Variants in NPAS2 observed in about 807,000 individuals in gnomAD.
NPAS2 encodes neuronal PAS domain-containing protein 2.
In NPAS2, 23 loss-of-function variants were observed where a neutral mutation model predicts 107.5. That is an observed-to-expected ratio of 0.21 (90% confidence interval 0.15 to 0.30). NPAS2 has a LOEUF of 0.30. NPAS2 is among the 10% of genes least tolerant of loss of function. NPAS2 has a pLI of 1.00. For synonymous variants in NPAS2, 403 were observed against 417.5 expected (o/e 0.97, Z 0.42); for missense variants, 756 against 1,043.3 (o/e 0.72, Z 3.79).
Position 100,964,879 on chromosome 2 carries a change from G to A in NPAS2, c.736G>A (p.Glu246Lys), listed in dbSNP as rs751210882. 8 of 1,572,038 alleles carry A rather than the reference G, an allele frequency of 5.1e-6. No homozygotes were observed. Among genetic ancestry groups the A allele is most frequent in the South Asian group, 4.8e-5 (4 of 82,774 alleles). The change falls in exon 9 of 21, where the codon GAA becomes AAA. Residue 246 changes from glutamate to lysine, a missense_variant. Physicochemically the swap from Glu to Lys is moderately conservative, Grantham distance 56 (BLOSUM62 1). Around this residue, in one of 4 missense-constraint regions of NPAS2, gnomAD observed 84 missense variants for 175.5 expected, o/e 0.48. Transcript: ENST00000335681. ...AATACAGGAAATGTGCATAGTTGAC[G>A]AACCTTTAGAGGAATTCACTTCAAG... ...QFLKEMCIVD[E>K]PLEEFTSRHS... is the part of the protein sequence containing the mutation.
intron 7 of NPAS2, among the ~76,000 whole-genome samples, chr2:100,960,279 G>A (rs890712438): frequency 6.6e-6 from 1 of 152,040 alleles, no homozygotes; most frequent in Non-Finnish European, 1.5e-5. Flanking sequence ...ATGATAGCAC[G>A]AGGCCGGGCA....
In NPAS2 at chr2:100,906,070, G is replaced by A. The variant is rs78853384; in HGVS notation, c.32+1284G>A. On this transcript the variant is annotated intron_variant, in intron 2 of 20. Coordinates refer to ENST00000335681, the MANE Select transcript of NPAS2 (RefSeq NM_002518.4). ...CCCAGGATCTGGGAGATCAGCACTG[G>A]GGACTCTTAGTACTCTTTACTTTTG... Among the ~76,000 whole-genome samples, 1,505 of 152,300 alleles carry A rather than the reference G, an allele frequency of 9.9e-3. 21 individuals are homozygous for A. The highest frequency in any genetic ancestry group is 0.034 in the African/African-American group (1,421 of 41,558).
intron 2 of NPAS2, among the ~76,000 whole-genome samples, chr2:100,908,386 A>G (rs1311406970): frequency 1.3e-5 from 2 of 152,100 alleles, no homozygotes; most frequent in Non-Finnish European, 2.9e-5. Context: ...AAAATAGGTT[A>G]TTCTTAGCCC....
chr2:100,967,110 A>C (rs183652770), intron 10 of NPAS2, among the ~76,000 whole-genome samples: 1 of 152,270 alleles, frequency 6.6e-6, no homozygotes, highest in East Asian at 1.9e-4. Flanking sequence ...CGAAGTGAAG[A>C]ATTACATTCA....
intron 1 of NPAS2, among the ~76,000 whole-genome samples, chr2:100,882,024 G>T (rs948802808): frequency 3.3e-5 from 5 of 152,254 alleles, no homozygotes; most frequent in Non-Finnish European, 7.3e-5. Context: ...GCCTCAGCTT[G>T]GAGCCTGATG....
At chr2:100,834,632 G>A (rs928630436) in intron 1 of NPAS2, among the ~76,000 whole-genome samples, 2 of 152,090 alleles carry the variant, frequency 1.3e-5, no homozygotes, top group Non-Finnish European at 2.9e-5. Flanking sequence ...TTTCTCACCC[G>A]TACTTTTTAA....
intron 14 of NPAS2, chr2:100,975,812 A>C (rs1676952196): frequency 2.4e-6 from 1 of 419,060 alleles, no homozygotes; most frequent in African/African-American, 2.1e-5. Flanking sequence ...TTTAAGGATT[A>C]AAGGCAAAAC....
rs772628758 is a variant in NPAS2 at position 100,988,150 on chromosome 2, A to G, written c.1701A>G (p.Leu567=). The part of the protein sequence containing the change: ...STQRPEAQQQ[L]QQRSAAVTQP... ...AGCGACCTGAGGCTCAGCAGCAGCTACAGCAAAGGTCAGCTGCAGTGACTC... is the reference window on the plus strand; with the variant it reads ...AGCGACCTGAGGCTCAGCAGCAGCTGCAGCAAAGGTCAGCTGCAGTGACTC... The change falls in exon 17 of 21, where the codon CTA becomes CTG. Residue 567 remains leucine, a synonymous_variant. Transcript: ENST00000335681. 6.2e-7 allele frequency: 1 copy of G among 1,614,212 alleles called. No homozygotes were observed. The highest frequency in any genetic ancestry group is 1.7e-5 in the Admixed American group (1 of 60,032).
Position 100,987,796 on chromosome 2 carries a change from A to G in NPAS2, c.1630-283A>G, listed in dbSNP as rs1677862480. On this transcript the variant is annotated intron_variant, in intron 16 of 20. Transcript: ENST00000335681. ...ACAAGTACATCACATTATTTAGAGA[A>G]CATCTGGGTCTAAACAGCTTTCACA... 8.8e-6 allele frequency: 4 copies of G among 455,068 alleles called. No individual in the cohort carries two copies. The Admixed American group carries it at 1.5e-4, about 17-fold the overall frequency. The allele number at this position is 455,068 out of a possible 1,614,324, so 28.2% of individuals were successfully genotyped here.
At chr2:100,872,540 A>G (rs1679644207) in intron 1 of NPAS2, among the ~76,000 whole-genome samples, 1 of 152,240 alleles carries the variant, frequency 6.6e-6, no homozygotes, top group East Asian at 1.9e-4. Context: ...AGCAGGAGAC[A>G]CTGTAGGAGC....
At chr2:100,843,969 C>G (rs1236201912) in intron 1 of NPAS2, among the ~76,000 whole-genome samples, 1 of 152,068 alleles carries the variant, frequency 6.6e-6, no homozygotes, top group African/African-American at 2.4e-5. Flanking sequence ...ATGGAAGATT[C>G]CAATGATTAG....
intron 1 of NPAS2, among the ~76,000 whole-genome samples, chr2:100,832,449 G>A (rs919222955): frequency 6.6e-6 from 1 of 152,226 alleles, no homozygotes; most frequent in African/African-American, 2.4e-5. Flanking sequence ...CCAGTTCAGG[G>A]AGTCATGTTC....
chr2:100,880,939 A>G (rs1184523946), intron 1 of NPAS2, among the ~76,000 whole-genome samples: 2 of 152,186 alleles, frequency 1.3e-5, no homozygotes, highest in African/African-American at 4.8e-5. Flanking sequence ...GAGGCCGCCC[A>G]AGAAAGCAGC....
At chr2:100,883,215 C>T (rs533018950) in intron 1 of NPAS2, among the ~76,000 whole-genome samples, 1 of 152,312 alleles carries the variant, frequency 6.6e-6, no homozygotes, top group East Asian at 1.9e-4. Context: ...TTTGAACTGA[C>T]CCCAGTCCAA....
At chr2:100,920,035 G>A (rs1298715847) in intron 2 of NPAS2, among the ~76,000 whole-genome samples, 1 of 152,126 alleles carries the variant, frequency 6.6e-6, no homozygotes, top group Non-Finnish European at 1.5e-5. Flanking sequence ...TTGATGGAGC[G>A]CCTTGTGCAC....
At chr2:100,927,897 A>C (rs1046050193) in intron 3 of NPAS2, among the ~76,000 whole-genome samples, 1 of 152,226 alleles carries the variant, frequency 6.6e-6, no homozygotes, top group East Asian at 1.9e-4. Context: ...CAGGAAGAGC[A>C]GAATTCTTTT....
At chr2:100,887,671 TTTTC>T (rs1319391023) in intron 1 of NPAS2, among the ~76,000 whole-genome samples, 3 of 146,962 alleles carry the variant, frequency 2.0e-5, no homozygotes, top group African/African-American at 7.7e-5. Context: ...TTCTGCAGTT[TTTTC>T]TTTTTCTTTT....
chr2:100,974,493 A>G (rs1248917267), intron 12 of NPAS2, among the ~76,000 whole-genome samples: 1 of 152,338 alleles, frequency 6.6e-6, no homozygotes, highest in Non-Finnish European at 1.5e-5. Flanking sequence ...TGGAAAGTCA[A>G]GATGCTGGGT....
At chr2:100,904,909 C>G in intron 2 of NPAS2, 123 bp downstream of exon 2, 4 of 717,942 alleles carry the variant, frequency 5.6e-6, no homozygotes, top group Non-Finnish European at 7.4e-6. Context: ...AGCTGTAGGA[C>G]ACACTCTCTG....
Sources: gnomAD v4.1 joint callset for allele counts (sites outside exome capture counted in the v4.1 genomes callset) on GRCh38, gnomAD v4.1.1 for gene constraint, gnomAD v4.1.1 regional missense constraint, MANE v1.5 for transcripts, NCBI Gene and HGNC (gene_info 2026-07-23, HGNC 2026-07-21) for gene names.